The following CCDC102B variants were observed in gnomAD, a reference collection of about 807,000 sequenced individuals.
CCDC102B encodes coiled-coil domain containing 102B.
A neutral mutation model predicts 57.4 loss-of-function variants in CCDC102B; 75 were observed. That is an observed-to-expected ratio of 1.31 (90% confidence interval 1.08 to 1.58). The LOEUF (loss-of-function observed/expected upper bound fraction) is 1.58. CCDC102B is among the 40% of genes most tolerant of loss of function. CCDC102B has a pLI of 0.00. For missense variants in CCDC102B, 636 were observed against 582.6 expected (o/e 1.09, Z -0.94); for synonymous variants, 206 against 201.9 (o/e 1.02, Z -0.17).
intron 6 of CCDC102B, among the ~76,000 whole-genome samples, chr18:68,967,453 T>TA (rs35789993): frequency 0.19 from 29,286 of 151,964 alleles, 3,167 homozygotes; most frequent in African/African-American, 0.29. Context: ...AATAAATTGG[T>TA]AAAAAATCAT....
intron 1 of CCDC102B, among the ~76,000 whole-genome samples, chr18:68,819,476 TG>T: frequency 6.6e-6 from 1 of 152,118 alleles, no homozygotes; most frequent in East Asian, 1.9e-4. Context: ...TCTTAATTAC[TG>T]TAGCTTTATA....
intron 5 of CCDC102B, among the ~76,000 whole-genome samples, chr18:68,886,376 G>A (rs1568311341): frequency 1.3e-5 from 2 of 150,690 alleles, no homozygotes; most frequent in African/African-American, 4.9e-5. Context: ...TTCAGTAAAT[G>A]AAAAAAAAAT....
chr18:68,931,850 TAAGAAATGTAG>T (rs2041684059), intron 6 of CCDC102B, among the ~76,000 whole-genome samples: 1 of 152,062 alleles, frequency 6.6e-6, no homozygotes. Context: ...TAAGGGAGGC[TAAGAAATGTAG>T]TCTAGCTGTG....
At chr18:68,978,914 C>A (rs991164206) in intron 6 of CCDC102B, among the ~76,000 whole-genome samples, 2 of 152,002 alleles carry the variant, frequency 1.3e-5, no homozygotes, top group Non-Finnish European at 2.9e-5. Flanking sequence ...TAGAACAAAA[C>A]ACAAACATGG....
chr18:68,752,086 C>A lies in CCDC102B; in HGVS notation c.-67+35492C>A, dbSNP rs546677427. Among the ~76,000 whole-genome samples the A allele has an allele frequency of 1.7e-4, 26 of 152,010 alleles. No individual in the cohort carries two copies. In the South Asian group the frequency reaches 5.4e-3, roughly 32 times the overall value. On this transcript the variant is annotated intron_variant, in intron 2 of 3. Transcript: ENST00000578970. ...ACCAGCCTGACCAACATGATGAAAC[C>A]CCATCTCTACTAAAAATACAAAAAT...
intron 2 of CCDC102B, among the ~76,000 whole-genome samples, chr18:68,726,356 C>T (rs544466096): frequency 6.6e-6 from 1 of 152,110 alleles, no homozygotes; most frequent in Non-Finnish European, 1.5e-5. Flanking sequence ...CCTACAGCAA[C>T]AAAAAATTAC....
At chr18:68,818,826 G>A (rs943580791) in intron 1 of CCDC102B, among the ~76,000 whole-genome samples, 9 of 152,106 alleles carry the variant, frequency 5.9e-5, no homozygotes, top group Admixed American at 3.9e-4. Context: ...ATTCTTAAGG[G>A]ATGTTGGTTT....
chr18:68,868,856 G>C (rs1184433686), intron 4 of CCDC102B, among the ~76,000 whole-genome samples: 3 of 152,140 alleles, frequency 2.0e-5, no homozygotes, highest in Non-Finnish European at 2.9e-5. Flanking sequence ...TGAGGAAACT[G>C]TTATGAGCCT....
At chr18:68,955,485 A>G (rs755150470) in intron 6 of CCDC102B, among the ~76,000 whole-genome samples, 5 of 152,162 alleles carry the variant, frequency 3.3e-5, no homozygotes, top group Non-Finnish European at 7.4e-5. Context: ...TAATTTAAAT[A>G]TTTCTCATAG....
In CCDC102B at chr18:68,837,096, T is replaced by G; in HGVS notation, c.333T>G (p.Ala111=). 6.2e-7 allele frequency: 1 copy of G among 1,614,108 alleles called. No homozygotes were observed. The highest frequency in any genetic ancestry group is 8.5e-7 in the Non-Finnish European group (1 of 1,180,024). The change falls in exon 2 of 8, where the codon GCT becomes GCG. Residue 111 remains alanine, a synonymous_variant. Transcript: ENST00000360242. ...GAGAAAAATGGAGTAAAGTTCGAGC[T>G]GAAAGGAACAGTGCCAGGGAGGAAG... The part of the protein sequence containing the change: ...NWREKWSKVR[A]ERNSAREEGR...
rs2040077840 is a variant in CCDC102B, at chr18:68,891,517, CT to C, written c.1054-5697del. 2.0e-5 allele frequency among the ~76,000 whole-genome samples: 3 copies of C among 152,152 alleles called. No individual in the cohort carries two copies. In the South Asian group the frequency reaches 6.2e-4, roughly 32 times the overall value. ...GTAGCTTTGTATAGATGTTGCATTC[CT>C]TTTTCTGTGACAAAGTGTGTATTGT... On this transcript the variant is annotated intron_variant, in intron 5 of 7. Coordinates refer to ENST00000360242, the MANE Select transcript of CCDC102B (RefSeq NM_024781.3).
At chr18:68,774,192 G>T (rs1273726035) in intron 2 of CCDC102B, among the ~76,000 whole-genome samples, 4 of 151,688 alleles carry the variant, frequency 2.6e-5, no homozygotes, top group Admixed American at 2.6e-4. Context: ...ACAACTCTGG[G>T]TGTTAGGGGT....
rs2037394029 is a variant in CCDC102B, at chr18:68,836,818, C to T, written c.55C>T (p.Gln19Ter). The stretch of plus-strand genomic sequence containing the variant: ...TGAGGAAACACAGATCTTCCAGATG[C>T]AACAATCATCAATTAAGTCACGCGG... ...LIEETQIFQM[Q>*]QSSIKSRGDM... The change falls in exon 2 of 8, where the codon CAA (glutamine) becomes TAA (stop). Residue 19 changes from glutamine to a stop codon, truncating the protein, a stop_gained. Coordinates refer to ENST00000360242, the MANE Select transcript of CCDC102B (RefSeq NM_024781.3). LOFTEE classifies it high-confidence loss of function. 6.2e-7 allele frequency: 1 copy of T among 1,613,762 alleles called. No homozygotes were observed. Among genetic ancestry groups the T allele is most frequent in the Non-Finnish European group, 8.5e-7 (1 of 1,179,820 alleles).
intron 4 of CCDC102B, among the ~76,000 whole-genome samples, chr18:68,863,222 A>C (rs2038835486): frequency 6.6e-6 from 1 of 151,110 alleles, no homozygotes; most frequent in Non-Finnish European, 1.5e-5. Context: ...TTTCTCTTTT[A>C]ATAATTTATT....
At chr18:68,976,933 G>A (rs960178200) in intron 6 of CCDC102B, among the ~76,000 whole-genome samples, 2 of 151,838 alleles carry the variant, frequency 1.3e-5, no homozygotes, top group African/African-American at 4.8e-5. Flanking sequence ...TTAGAGATTG[G>A]ATTTTTACAT....
At chr18:68,726,205 C>T (rs2032587437) in intron 2 of CCDC102B, among the ~76,000 whole-genome samples, 1 of 152,144 alleles carries the variant, frequency 6.6e-6, no homozygotes, top group South Asian at 2.1e-4. Context: ...AATTCTTCCT[C>T]CGACTGAGTG....
In CCDC102B at chr18:68,758,863, A is replaced by G. The variant is rs138690282; in HGVS notation, c.-67+42269A>G. Reference sequence around the variant, plus strand: ...TCCTTCCCCATCCCTATAGTAAGAAATGAGCAAAACAAACTTAACAAATAA... The same window carrying G: ...TCCTTCCCCATCCCTATAGTAAGAAGTGAGCAAAACAAACTTAACAAATAA... On this transcript the variant is annotated intron_variant, in intron 2 of 3. Coordinates refer to the CCDC102B transcript ENST00000578970. 9.2e-5 allele frequency among the ~76,000 whole-genome samples: 14 copies of G among 151,966 alleles called. No individual in the cohort carries two copies. The East Asian group carries it at 2.5e-3, about 27-fold the overall frequency.
At chr18:68,932,917 G>A (rs2041724095) in intron 6 of CCDC102B, among the ~76,000 whole-genome samples, 1 of 151,878 alleles carries the variant, frequency 6.6e-6, no homozygotes, top group Non-Finnish European at 1.5e-5. Flanking sequence ...AAAATGTAAT[G>A]TCCAGTAGAC....
At chr18:68,720,757 G>A (rs1012584350) in intron 2 of CCDC102B, among the ~76,000 whole-genome samples, 2 of 152,100 alleles carry the variant, frequency 1.3e-5, no homozygotes, top group African/African-American at 4.8e-5. Flanking sequence ...TACAGTTGAC[G>A]TTGGAAATGG....
Sources: gnomAD v4.1 joint callset for allele counts (sites outside exome capture counted in the v4.1 genomes callset) on GRCh38, gnomAD v4.1.1 for gene constraint, MANE v1.5 for transcripts, NCBI Gene and HGNC (gene_info 2026-07-23, HGNC 2026-07-21) for gene names.